The following PGBD2 variants were observed in gnomAD, a reference collection of about 807,000 sequenced individuals.
PGBD2 encodes the protein piggyBac transposable element derived 2, also known as piggyBac transposable element-derived protein 2.
A neutral mutation model predicts 8.1 loss-of-function variants in PGBD2; 6 were observed. The observed-to-expected ratio is 0.74, with a 90% CI of 0.40 to 1.46. PGBD2 has a LOEUF of 1.46. Ranked by LOEUF, PGBD2 falls within the 40% of genes most tolerant of loss-of-function variation. The probability of loss-of-function intolerance (pLI) is 0.02; values close to 1 mark genes in which losing one functional copy is unlikely to be tolerated. For missense variants in PGBD2, 802 were observed against 739.0 expected (o/e 1.09, Z -0.99); for synonymous variants, 318 against 272.2 (o/e 1.17, Z -1.66).
chr1:248,915,905 T>C (rs1179765040), intron 2 of PGBD2, among the ~76,000 whole-genome samples: 1 of 152,164 alleles, frequency 6.6e-6, no homozygotes, highest in Non-Finnish European at 1.5e-5. Flanking sequence ...GCAGAGCTCC[T>C]AGGGCCATTG....
At chr1:248,930,135 C>G in the PGBD2 span, among the ~76,000 whole-genome samples, 6 of 152,178 alleles carry the variant, frequency 3.9e-5, no homozygotes. Flanking sequence ...AAAAGCATCC[C>G]TTCCTTGAGG....
chr1:248,927,216 A>G, the PGBD2 span, among the ~76,000 whole-genome samples: 1 of 152,162 alleles, frequency 6.6e-6, no homozygotes, highest in Admixed American at 6.5e-5. Context: ...GTCATGAGAG[A>G]TGGGACAGGG....
chr1:248,911,230 G>A (rs563103970), intron 1 of PGBD2, among the ~76,000 whole-genome samples: 3,042 of 147,994 alleles, frequency 0.021, 41 homozygotes, highest in Admixed American at 0.031. Context: ...ATGTGAACAA[G>A]GGTCTCTGGT....
chr1:248,888,027 T>TAA, the PGBD2 span, among the ~76,000 whole-genome samples: 3 of 152,234 alleles, frequency 2.0e-5, no homozygotes, highest in Non-Finnish European at 2.9e-5. Context: ...TTTCTGTTTC[T>TAA]GTGTTAATTC....
the PGBD2 span, among the ~76,000 whole-genome samples, chr1:248,882,002 C>T: frequency 6.6e-6 from 1 of 152,160 alleles, no homozygotes; most frequent in African/African-American, 2.4e-5. Flanking sequence ...GAAGCAGAGG[C>T]AAGAAAGCTT....
At chr1:248,893,271 T>C in the PGBD2 span, among the ~76,000 whole-genome samples, 1 of 152,258 alleles carries the variant, frequency 6.6e-6, no homozygotes, top group South Asian at 2.1e-4. Flanking sequence ...CATTTTTAAG[T>C]GCACAAAACC....
the PGBD2 span, among the ~76,000 whole-genome samples, chr1:248,883,066 G>T: frequency 6.6e-6 from 1 of 152,156 alleles, no homozygotes; most frequent in Non-Finnish European, 1.5e-5. Context: ...CCAGGTTTGA[G>T]TGTTATAGCC....
the PGBD2 span, among the ~76,000 whole-genome samples, chr1:248,883,155 C>G: frequency 6.6e-6 from 1 of 152,322 alleles, no homozygotes; most frequent in South Asian, 2.1e-4. Flanking sequence ...CAGAGTTTCA[C>G]TCCTGTTGCC....
downstream of PGBD2, among the ~76,000 whole-genome samples, chr1:248,921,929 G>T (rs1408318536): frequency 6.6e-6 from 1 of 152,146 alleles, no homozygotes; most frequent in African/African-American, 2.4e-5. Flanking sequence ...TGATTCGGCT[G>T]TTTGTGTGTT....
chr1:248,898,782 C>T, the PGBD2 span, among the ~76,000 whole-genome samples: 1 of 152,034 alleles, frequency 6.6e-6, no homozygotes, highest in Non-Finnish European at 1.5e-5. Context: ...TGTAAATGGG[C>T]TAAATGCTCC....
At chr1:248,920,853 G>A (rs1262596951), downstream of PGBD2, among the ~76,000 whole-genome samples, 1 of 152,178 alleles carries the variant, frequency 6.6e-6, no homozygotes, top group East Asian at 1.9e-4. Flanking sequence ...GTGTGAGATG[G>A]TATCTCATTG....
chr1:248,904,599 CTTTCT>C (rs1451095145), upstream of PGBD2, among the ~76,000 whole-genome samples: 1 of 152,214 alleles, frequency 6.6e-6, no homozygotes, highest in African/African-American at 2.4e-5. Flanking sequence ...ATTTCTTTGA[CTTTCT>C]TTTGTCTCCA....
downstream of PGBD2, chr1:248,919,940 A>C (rs1292352530): frequency 6.6e-6 from 1 of 152,544 alleles, no homozygotes; most frequent in Non-Finnish European, 1.5e-5. Context: ...AGTGGTGCGC[A>C]ATCTCGGCTC....
At chr1:248,895,356 G>T in the PGBD2 span, among the ~76,000 whole-genome samples, 1 of 152,092 alleles carries the variant, frequency 6.6e-6, no homozygotes, top group Admixed American at 6.6e-5. Context: ...GCCCAACCTG[G>T]CACACAAAGA....
the PGBD2 span, among the ~76,000 whole-genome samples, chr1:248,875,245 G>A: frequency 1.3e-4 from 18 of 143,806 alleles, no homozygotes; most frequent in African/African-American, 4.6e-4. Context: ...GCAGTGAGCC[G>A]AGATCGCACC....
upstream of PGBD2, chr1:248,906,064 TG>T (rs1208873490): frequency 1.3e-5 from 2 of 150,770 alleles, no homozygotes; most frequent in African/African-American, 4.9e-5. Context: ...CGGGAAGAGC[TG>T]GCCCGCTGGG....
the PGBD2 span, among the ~76,000 whole-genome samples, chr1:248,877,837 T>C: frequency 3.3e-5 from 5 of 152,206 alleles, no homozygotes; most frequent in Non-Finnish European, 5.9e-5. Flanking sequence ...TATTTAATTA[T>C]TCTGCTGATG....
intron 1 of PGBD2, chr1:248,912,549 T>G (rs951663385): frequency 6.6e-6 from 1 of 152,190 alleles, no homozygotes; most frequent in Non-Finnish European, 1.5e-5. Flanking sequence ...GCTCACTTGC[T>G]AAAAGGGTTT....
chr1:248,905,564 A>G (rs1304853621), upstream of PGBD2, among the ~76,000 whole-genome samples: 1 of 152,208 alleles, frequency 6.6e-6, no homozygotes, highest in Admixed American at 6.5e-5. Flanking sequence ...TATTTTTACC[A>G]AGTAAAAATA....
Sources: gnomAD v4.1 joint callset for allele counts (sites outside exome capture counted in the v4.1 genomes callset) on GRCh38, gnomAD v4.1.1 for gene constraint, MANE v1.5 for transcripts, NCBI Gene and HGNC (gene_info 2026-07-23, HGNC 2026-07-21) for gene names.